RUFY1: variants seen among roughly 807,000 people sequenced by gnomAD.
RUFY1 encodes RUN and FYVE domain containing 1.
In RUFY1, 54 loss-of-function variants were observed where a neutral mutation model predicts 94.6. The ratio of observed to expected loss-of-function variants is 0.57; its 90% CI spans 0.46 to 0.72. The LOEUF (loss-of-function observed/expected upper bound fraction) is 0.72. RUFY1 is among the 30% of genes least tolerant of loss of function. The pLI is 0.00. For synonymous variants in RUFY1, 396 were observed against 347.3 expected, an observed-to-expected ratio of 1.14 and a Z score of -1.56; for missense variants, 883 against 883.9, an observed-to-expected ratio of 1.00 and a Z score of 0.01.
chr5:179,594,504 G>A (rs1324182043), intron 11 of RUFY1, among the ~76,000 whole-genome samples: 1 of 148,300 alleles, frequency 6.7e-6, no homozygotes, highest in Admixed American at 6.8e-5. Context: ...GCTCACACCT[G>A]TAATCCCAGC....
At chr5:179,607,453 C>G (rs184687351) in intron 16 of RUFY1, 129 bp from the exon 17 acceptor site, 1 of 763,378 alleles carries the variant, frequency 1.3e-6, no homozygotes, top group African/African-American at 1.7e-5. Flanking sequence ...GAGGCCCCAT[C>G]TGATGGAGAA....
chr5:179,568,339 A>G (rs1167415400), intron 4 of RUFY1, among the ~76,000 whole-genome samples: 1 of 152,214 alleles, frequency 6.6e-6, no homozygotes, highest in Non-Finnish European at 1.5e-5. Context: ...ATCATTATAA[A>G]AGGAATGTTC....
At chr5:179,568,926 GA>G in intron 4 of RUFY1, 4 of 531,762 alleles carry the variant, frequency 7.5e-6, no homozygotes, top group Non-Finnish European at 9.6e-6. Flanking sequence ...TTGGATGTGG[GA>G]TCCCATTTCC....
intron 5 of RUFY1, among the ~76,000 whole-genome samples, chr5:179,570,755 T>C (rs1763169135): frequency 6.6e-6 from 1 of 152,172 alleles, no homozygotes; most frequent in Admixed American, 6.5e-5. Flanking sequence ...TGCAGGTCAG[T>C]GTTTTTTTAT....
At chr5:179,608,485 A>C (rs879659602) in intron 17 of RUFY1, 17 of 985,464 alleles carry the variant, frequency 1.7e-5, no homozygotes, top group Non-Finnish European at 1.9e-5. Context: ...TTGATGTCTT[A>C]TCAGGCACCC....
chr5:179,565,770 C>T (rs575673472), intron 3 of RUFY1, among the ~76,000 whole-genome samples: 38 of 152,172 alleles, frequency 2.5e-4, no homozygotes, highest in South Asian at 4.1e-4. Flanking sequence ...TCTTTGTGTC[C>T]GTCTTCAGTT....
At chr5:179,595,003 T>A in intron 12 of RUFY1, 40 bp downstream of exon 12, 9 of 1,382,410 alleles carry the variant, frequency 6.5e-6, no homozygotes, top group Non-Finnish European at 9.2e-6. Flanking sequence ...GGGAAGGCTC[T>A]GAGCATTCCC....
chr5:179,580,849 T>G, intron 6 of RUFY1, 98 bp from the exon 7 acceptor site: 1 of 667,832 alleles, frequency 1.5e-6, no homozygotes, highest in Non-Finnish European at 2.6e-6. Flanking sequence ...CTTGAAGACA[T>G]TGGTACTTCT....
chr5:179,584,487 A>C (rs1764438087), intron 7 of RUFY1, among the ~76,000 whole-genome samples: 1 of 152,212 alleles, frequency 6.6e-6, no homozygotes, highest in Non-Finnish European at 1.5e-5. Context: ...ATGCATTTAA[A>C]GTGCTTAGAG....
At chr5:179,556,711 G>C (rs1255739822) in intron 1 of RUFY1, among the ~76,000 whole-genome samples, 2 of 151,920 alleles carry the variant, frequency 1.3e-5, no homozygotes, top group Non-Finnish European at 2.9e-5. Context: ...TGTTGGCCAG[G>C]CTGATCTCGA....
At position 179,585,805 on chromosome 5, in the gene RUFY1, T is replaced by TG; in HGVS notation, c.970dup (p.Asp324GlyfsTer13). The TG allele has an allele frequency of 6.2e-7, 1 of 1,611,650 alleles. No individual in the cohort carries two copies. Among genetic ancestry groups the TG allele is most frequent in the Non-Finnish European group, 8.5e-7 (1 of 1,177,750 alleles). The stretch of plus-strand genomic sequence containing the variant: ...TTCTTATTTTCTACAGCTGCACAGT[T>TG]GGGGATCTTCAAACCAAGATAGATG... On this transcript the variant is annotated frameshift_variant, in exon 8 of 18. Coordinates refer to ENST00000319449, the MANE Select transcript of RUFY1 (RefSeq NM_025158.5). LOFTEE classifies it high-confidence loss of function.
At chr5:179,580,239 G>GTATATA (rs1390515466) in intron 6 of RUFY1, among the ~76,000 whole-genome samples, 924 of 51,276 alleles carry the variant, frequency 0.018, 10 homozygotes, top group Non-Finnish European at 0.037. Flanking sequence ...GTGTGTGTGT[G>GTATATA]TGTATATTTT....
chr5:179,585,910 A>C, intron 8 of RUFY1, 45 bp downstream of exon 8: 1 of 1,451,812 alleles, frequency 6.9e-7, no homozygotes, highest in Non-Finnish European at 9.7e-7. Context: ...AGAATGACCC[A>C]AGGTTAAGAG....
At chr5:179,570,046 T>C (rs940856549) in intron 5 of RUFY1, among the ~76,000 whole-genome samples, 162 of 117,622 alleles carry the variant, frequency 1.4e-3, no homozygotes, top group African/African-American at 4.9e-3. Flanking sequence ...GCCCGGCCTG[T>C]ATTTTTTTTT....
intron 8 of RUFY1, among the ~76,000 whole-genome samples, chr5:179,587,306 G>A (rs1764682909): frequency 6.6e-6 from 1 of 151,786 alleles, no homozygotes; most frequent in African/African-American, 2.4e-5. Context: ...CACCCACCTT[G>A]GCCTCCCAAA....
intron 7 of RUFY1, among the ~76,000 whole-genome samples, chr5:179,582,466 A>G (rs1161657064): frequency 1.3e-5 from 2 of 152,110 alleles, no homozygotes; most frequent in African/African-American, 2.4e-5. Flanking sequence ...GCCTCAAGCA[A>G]TCTTCCCTGG....
chr5:179,577,859 CAAA>C (rs35539667), intron 6 of RUFY1, among the ~76,000 whole-genome samples: 36 of 134,348 alleles, frequency 2.7e-4, no homozygotes, highest in Middle Eastern at 3.7e-3. Flanking sequence ...TTCTCTGCAG[CAAA>C]AAAAAAAAAA....
Position 179,609,863 on chromosome 5 carries a change from T to C in RUFY1, c.*344T>C, listed in dbSNP as rs1365960530. On this transcript the variant is annotated 3_prime_UTR_variant, in exon 18 of 18. Transcript: ENST00000319449. ...CTGCTAGTGAGTAGTTTTCCTCTCC[T>C]ACCTTCCTTCTAAAAACCTGATTCA... The C allele has an allele frequency of 5.2e-6, 1 of 193,638 alleles. No individual in the cohort carries two copies. The highest frequency in any genetic ancestry group is 1.0e-5 in the Non-Finnish European group (1 of 95,268). 12.0% of individuals were successfully genotyped at this position (193,638 alleles called of 1,614,324 possible). A position where few individuals can be genotyped will look rare whatever the true frequency, so the allele number is the denominator to read the frequency against.
At chr5:179,567,845 A>G (rs1047922850) in intron 4 of RUFY1, among the ~76,000 whole-genome samples, 6 of 152,096 alleles carry the variant, frequency 3.9e-5, no homozygotes, top group African/African-American at 1.4e-4. Flanking sequence ...CGGAGGTTGC[A>G]GTGAGCCGAG....
Sources: gnomAD v4.1 joint callset for allele counts (sites outside exome capture counted in the v4.1 genomes callset) on GRCh38, gnomAD v4.1.1 for gene constraint, MANE v1.5 for transcripts, NCBI Gene and HGNC (gene_info 2026-07-23, HGNC 2026-07-21) for gene names.